TACC1: variants seen among roughly 807,000 people sequenced by gnomAD.
The protein encoded by TACC1 is transforming acidic coiled-coil containing protein 1.
Under a neutral mutation model 84.4 loss-of-function variants are expected in TACC1, and 48 were observed. That is an observed-to-expected ratio of 0.57 (90% CI 0.45 to 0.72). The LOEUF (loss-of-function observed/expected upper bound fraction) is 0.72. Among genes scored for constraint, TACC1 ranks in the 30% least tolerant of loss-of-function variants. The pLI is 0.00. For missense variants in TACC1, 920 were observed against 973.0 expected, an observed-to-expected ratio of 0.95 and a Z score of 0.72; for synonymous variants, 372 against 376.3, an observed-to-expected ratio of 0.99 and a Z score of 0.13.
chr8:38,759,559 G>A (rs1810799656), intron 3 of TACC1, among the ~76,000 whole-genome samples: 1 of 152,122 alleles, frequency 6.6e-6, no homozygotes, highest in Non-Finnish European at 1.5e-5. Context: ...TCTCTTCATT[G>A]AGGCTCTGCA....
intron 2 of TACC1, 37 bp downstream of exon 2, chr8:38,788,856 T>G: frequency 6.6e-7 from 1 of 1,511,736 alleles, no homozygotes; most frequent in Non-Finnish European, 9.0e-7. Context: ...CCTGTTTTGT[T>G]TCAAAAGTTT....
At chr8:38,732,157 A>AAAGG (rs201950365) in intron 1 of TACC1, among the ~76,000 whole-genome samples, 31 of 147,692 alleles carry the variant, frequency 2.1e-4, no homozygotes, top group South Asian at 8.8e-4. Flanking sequence ...AGAAAAGAAG[A>AAAGG]AAGGAAGGAA....
At chr8:38,788,979 G>T (rs1314367865) in intron 2 of TACC1, among the ~76,000 whole-genome samples, 160 bp downstream of exon 2, 1 of 152,146 alleles carries the variant, frequency 6.6e-6, no homozygotes, top group East Asian at 1.9e-4. Flanking sequence ...TAGGGGTGTG[G>T]TGATCGAGGC....
intron 3 of TACC1, among the ~76,000 whole-genome samples, chr8:38,778,530 C>A (rs962935994): frequency 6.6e-6 from 1 of 152,206 alleles, no homozygotes; most frequent in African/African-American, 2.4e-5. Context: ...CTCTTTTGTT[C>A]TCTGGGCAGA....
intron 1 of TACC1, among the ~76,000 whole-genome samples, chr8:38,738,288 A>T (rs1349413284): frequency 6.6e-6 from 1 of 151,726 alleles, no homozygotes; most frequent in East Asian, 1.9e-4. Flanking sequence ...AAGTGCCTGT[A>T]GTCCCAGCTA....
intron 1 of TACC1, among the ~76,000 whole-genome samples, chr8:38,738,668 T>A (rs1806466783): frequency 1.3e-5 from 2 of 151,616 alleles, no homozygotes; most frequent in Admixed American, 1.3e-4. Context: ...TTGAGCACTT[T>A]TTTTTTTTTT....
rs768217946 is a variant in TACC1 at position 38,819,864 on chromosome 8, C to A, written c.620C>A (p.Ala207Asp). The change falls in exon 3 of 13, where the codon GCC (alanine) becomes GAC (aspartate). Residue 207 changes from alanine to aspartate, a missense_variant. Coordinates refer to ENST00000317827, the MANE Select transcript of TACC1 (RefSeq NM_006283.3). ...TEGSMGVTLEASAEADLKAGN... is the reference protein window; with the variant it reads ...TEGSMGVTLEDSAEADLKAGN... ...GGCAGCATGGGGGTCACCCTCGAGGCCTCCGCAGAAGCTGATCTAAAAGCT... is the reference window on the plus strand; with the variant it reads ...GGCAGCATGGGGGTCACCCTCGAGGACTCCGCAGAAGCTGATCTAAAAGCT... 1 of 1,613,972 alleles carries A rather than the reference C, an allele frequency of 6.2e-7. No homozygotes were observed. The highest frequency in any genetic ancestry group is 8.5e-7 in the Non-Finnish European group (1 of 1,180,038).
intron 2 of TACC1, among the ~76,000 whole-genome samples, chr8:38,810,111 T>G (rs1406043791): frequency 6.6e-6 from 1 of 151,956 alleles, no homozygotes; most frequent in East Asian, 1.9e-4. Flanking sequence ...CTTTTTCTTT[T>G]TTTCTTTTTT....
At chr8:38,765,964 C>T (rs1812171591) in intron 3 of TACC1, among the ~76,000 whole-genome samples, 1 of 152,124 alleles carries the variant, frequency 6.6e-6, no homozygotes, top group Admixed American at 6.6e-5. Flanking sequence ...ATAGTGGCAC[C>T]TTCAAATGCT....
At chr8:38,737,775 T>G (rs1806253155) in intron 1 of TACC1, among the ~76,000 whole-genome samples, 1 of 151,790 alleles carries the variant, frequency 6.6e-6, no homozygotes, top group Non-Finnish European at 1.5e-5. Flanking sequence ...TTGCCCAGGC[T>G]GGAGTGCAAT....
At chr8:38,773,669 T>C (rs529621090) in intron 3 of TACC1, among the ~76,000 whole-genome samples, 2 of 152,124 alleles carry the variant, frequency 1.3e-5, no homozygotes, top group African/African-American at 4.8e-5. Flanking sequence ...TGTGTATATG[T>C]AAGAGAGAGA....
At position 38,849,602 on chromosome 8, in the gene TACC1, T is replaced by C. The variant is rs1832832333; in HGVS notation, c.*1579T>C. On this transcript the variant is annotated 3_prime_UTR_variant, in exon 13 of 13. Coordinates refer to ENST00000317827, the MANE Select transcript of TACC1 (RefSeq NM_006283.3). ...CTATAGATCTTAAAAAATGAATTATTCTTTAGCAGTGTATTACTCACATGG... is the reference window on the plus strand; with the variant it reads ...CTATAGATCTTAAAAAATGAATTATCCTTTAGCAGTGTATTACTCACATGG... 6.6e-6 allele frequency: 1 copy of C among 152,266 alleles called. No homozygotes were observed. The highest frequency in any genetic ancestry group is 2.4e-5 in the African/African-American group (1 of 41,456). The allele number at this position is 152,266 out of a possible 1,614,324, so 9.4% of individuals were successfully genotyped here. A position where few individuals can be genotyped will look rare whatever the true frequency, so the allele number is the denominator to read the frequency against.
At chr8:38,769,054 TGA>T (rs1350322830) in intron 3 of TACC1, among the ~76,000 whole-genome samples, 1 of 148,032 alleles carries the variant, frequency 6.8e-6, no homozygotes, top group Non-Finnish European at 1.5e-5. Context: ...GGTGTGTGTG[TGA>T]GACTGTTGTG....
rs1249246643 is a variant in TACC1, at chr8:38,849,715, T to G, written c.*1692T>G. ...AATATGCATTTATCATAATTGGTGC[T>G]TAGGCTGTATATTCAAGCCTGTTGT... On this transcript the variant is annotated 3_prime_UTR_variant, in exon 13 of 13. Coordinates refer to ENST00000317827, the MANE Select transcript of TACC1 (RefSeq NM_006283.3). 1 of 152,678 alleles carries G rather than the reference T, an allele frequency of 6.5e-6. No homozygotes were observed. The highest frequency in any genetic ancestry group is 2.4e-5 in the African/African-American group (1 of 41,472). The allele number at this position is 152,678 out of a possible 1,614,324, so 9.5% of individuals were successfully genotyped here.
chr8:38,803,768 A>G (rs1400501361), intron 2 of TACC1, among the ~76,000 whole-genome samples: 1 of 152,156 alleles, frequency 6.6e-6, no homozygotes, highest in African/African-American at 2.4e-5. Flanking sequence ...GCACCAGAGT[A>G]ATATTGGCAT....
intron 1 of TACC1, among the ~76,000 whole-genome samples, chr8:38,736,199 C>T (rs987765231): frequency 6.6e-6 from 1 of 152,152 alleles, no homozygotes; most frequent in Admixed American, 6.5e-5. Flanking sequence ...GCATTTAAGG[C>T]CCACCCAGAT....
intron 3 of TACC1, chr8:38,757,309 A>G: frequency 7.9e-7 from 1 of 1,264,026 alleles, no homozygotes; most frequent in African/African-American, 1.6e-5. Flanking sequence ...AGGAGGGTGC[A>G]GCCCCGGCCC....
At chr8:38,836,015 GT>G (rs1830151760) in intron 6 of TACC1, 146 bp from the exon 7 acceptor site, 1 of 1,053,190 alleles carries the variant, frequency 9.5e-7, no homozygotes, top group Non-Finnish European at 1.3e-6. Flanking sequence ...AATTAGATTT[GT>G]TTTTTAAAAA....
At chr8:38,739,724 A>G (rs1806707183) in intron 1 of TACC1, among the ~76,000 whole-genome samples, 1 of 152,220 alleles carries the variant, frequency 6.6e-6, no homozygotes, top group African/African-American at 2.4e-5. Flanking sequence ...CCATTACAGT[A>G]TCATATAAAA....
Sources: gnomAD v4.1 joint callset for allele counts (sites outside exome capture counted in the v4.1 genomes callset) on GRCh38, gnomAD v4.1.1 for gene constraint, MANE v1.5 for transcripts, NCBI Gene and HGNC (gene_info 2026-07-23, HGNC 2026-07-21) for gene names.